Variants in HAUS4 observed in about 807,000 individuals in gnomAD.
The protein encoded by HAUS4 is HAUS augmin like complex subunit 4.
In HAUS4, 34 loss-of-function variants were observed where a neutral mutation model predicts 50.6. That is an observed-to-expected ratio of 0.67 (90% CI 0.51 to 0.90). The LOEUF is 0.90. HAUS4 is among the 40% of genes least tolerant of loss of function. HAUS4 has a pLI of 0.00. For synonymous variants in HAUS4, 149 were observed against 161.4 expected (o/e 0.92, Z 0.58); for missense variants, 370 against 428.7 (o/e 0.86, Z 1.21).
intron 5 of HAUS4, 27 bp downstream of exon 5, chr14:22,951,528 A>AT (rs998902846): frequency 1.2e-6 from 2 of 1,611,028 alleles, no homozygotes; most frequent in Admixed American, 1.7e-5. Context: ...CATTTCATTT[A>AT]TTTGGTTCCA....
intron 4 of HAUS4, 108 bp downstream of exon 4, chr14:22,952,220 G>A (rs1439928701): frequency 7.2e-6 from 6 of 833,682 alleles, no homozygotes; most frequent in Non-Finnish European, 1.2e-5. Flanking sequence ...GTCTTACCAT[G>A]TTGGCCAGGC....
chr14:22,951,096 C>T, intron 5 of HAUS4, among the ~76,000 whole-genome samples: 1 of 152,048 alleles, frequency 6.6e-6, no homozygotes, highest in East Asian at 1.9e-4. Flanking sequence ...GACCTCCCAC[C>T]CTCAAGTCAT....
chr14:22,950,128 CAA>C (rs200256150), intron 6 of HAUS4, among the ~76,000 whole-genome samples, 184 bp downstream of exon 6: 34 of 112,092 alleles, frequency 3.0e-4, no homozygotes, highest in Admixed American at 5.2e-4. Flanking sequence ...AACGCCATCT[CAA>C]AAAAAAAAAA....
intron 4 of HAUS4, 118 bp downstream of exon 4, chr14:22,952,210 G>T (rs2044767022): frequency 4.0e-6 from 3 of 757,400 alleles, no homozygotes; most frequent in Non-Finnish European, 6.6e-6. Context: ...TAGAGACGGG[G>T]TCTTACCATG....
intron 1 of HAUS4, among the ~76,000 whole-genome samples, chr14:22,956,577 G>C (rs542360473): frequency 1.3e-5 from 2 of 152,106 alleles, no homozygotes; most frequent in African/African-American, 4.8e-5. Flanking sequence ...CGGCAATCAG[G>C]CTCGATTCTC....
chr14:22,947,262 G>A (rs779539266), intron 8 of HAUS4, 23 bp from the exon 9 acceptor site: 1 of 1,534,876 alleles, frequency 6.5e-7, no homozygotes, highest in South Asian at 1.1e-5. Context: ...AGAAAGAAAT[G>A]TCAAGGCAGG....
intron 6 of HAUS4, among the ~76,000 whole-genome samples, chr14:22,949,006 A>C (rs913187448): frequency 6.6e-6 from 1 of 151,328 alleles, no homozygotes; most frequent in African/African-American, 2.4e-5. Flanking sequence ...AATACAAAAA[A>C]ATTAGCTGGG....
rs796968660 is a variant in HAUS4, at chr14:22,950,120, C to T, written c.562+194G>A. 2.2e-5 allele frequency among the ~76,000 whole-genome samples: 3 copies of T among 137,684 alleles called. 1 individual carries two copies. Among genetic ancestry groups the T allele is most frequent in the African/African-American group, 5.1e-5 (2 of 39,522 alleles). 90.3% of individuals were successfully genotyped at this position (137,684 alleles called of 152,430 possible). A position where few individuals can be genotyped will look rare whatever the true frequency, so the allele number is the denominator to read the frequency against. On this transcript the variant is annotated intron_variant, in intron 6 of 9. Coordinates refer to ENST00000541587, the MANE Select transcript of HAUS4 (RefSeq NM_001166269.2). ...TCTAGCCTGGGCAACAGGAGCAAAA[C>T]GCCATCTCAAAAAAAAAAAAAAACA...
chr14:22,946,882 C>T (rs1452808739), intron 9 of HAUS4, among the ~76,000 whole-genome samples, 174 bp from the exon 10 acceptor site: 1 of 149,600 alleles, frequency 6.7e-6, no homozygotes, highest in Admixed American at 6.8e-5. Flanking sequence ...TTCCTGGGTT[C>T]AAGCAATTCT....
chr14:22,954,291 A>T (rs533899220), intron 2 of HAUS4: 1 of 152,320 alleles, frequency 6.6e-6, no homozygotes, highest in South Asian at 2.1e-4. Flanking sequence ...TTATACCCAA[A>T]GTCTTTTTGG....
rs767885103 is a variant in HAUS4, at chr14:22,951,639, G to A, written c.381C>T (p.Leu127=). 3.1e-6 allele frequency: 5 copies of A among 1,613,950 alleles called. No homozygotes were observed. The highest frequency in any genetic ancestry group is 4.2e-6 in the Non-Finnish European group (5 of 1,179,986). Residue 127 remains leucine (L), a synonymous_variant, in exon 5 of 10, where the codon CTC becomes CTT. Transcript: ENST00000541587. ...QRLLVTELMR[L]LGPSQEREIP... is the part of the protein sequence containing the mutation. ...TCTCCCTCTCCTGGCTAGGACCTAA[G>A]AGCCGCATCAGTTCAGTTACAAGCA...
chr14:22,947,543 A>T, intron 8 of HAUS4, 58 bp downstream of exon 8: 1 of 1,588,970 alleles, frequency 6.3e-7, no homozygotes, highest in Non-Finnish European at 8.6e-7. Context: ...AGGGTAAGGG[A>T]TAGAGGGCTG....
Position 22,946,402 on chromosome 14 carries a change from C to T in HAUS4, c.*123G>A. 1.6e-6 allele frequency: 1 copy of T among 629,878 alleles called. No individual in the cohort carries two copies. Among genetic ancestry groups the T allele is most frequent in the Non-Finnish European group, 2.6e-6 (1 of 385,974 alleles). 39.0% of individuals were successfully genotyped at this position (629,878 alleles called of 1,614,324 possible). On this transcript the variant is annotated 3_prime_UTR_variant, in exon 10 of 10. Coordinates refer to ENST00000541587, the MANE Select transcript of HAUS4 (RefSeq NM_001166269.2). ...GAGTGCCTAAATGACTGCAGTGTTT[C>T]AAGCGTAAGCATTTCCACACTCCCT...
intron 6 of HAUS4, among the ~76,000 whole-genome samples, chr14:22,949,386 A>C (rs981777915): frequency 3.4e-5 from 5 of 147,984 alleles, no homozygotes; most frequent in Non-Finnish European, 7.5e-5. Flanking sequence ...AAAATTAGCC[A>C]GGCGTGGTGG....
chr14:22,950,140 A>AC (rs1174927886), intron 6 of HAUS4, among the ~76,000 whole-genome samples, 174 bp downstream of exon 6: 16 of 151,688 alleles, frequency 1.1e-4, no homozygotes, highest in African/African-American at 3.9e-4. Flanking sequence ...AAAAAAAAAA[A>AC]AAACAAAAAA....
At chr14:22,953,829 A>C (rs1594549091) in intron 2 of HAUS4, among the ~76,000 whole-genome samples, 4 of 137,144 alleles carry the variant, frequency 2.9e-5, no homozygotes, top group Non-Finnish European at 6.2e-5. Context: ...GCGGGGTTTC[A>C]CCTTGTTAGC....
chr14:22,955,003 G>A (rs2044832920), intron 2 of HAUS4, 97 bp downstream of exon 2: 4 of 894,274 alleles, frequency 4.5e-6, no homozygotes, highest in East Asian at 4.8e-5. Flanking sequence ...GGGATTACAG[G>A]TGTGAGCCAA....
rs769415869 is a variant in HAUS4 at position 22,947,730 on chromosome 14, A to G, written c.710T>C (p.Val237Ala). 2.5e-6 allele frequency: 4 copies of G among 1,613,964 alleles called. No homozygotes were observed. The highest frequency in any genetic ancestry group is 3.4e-6 in the Non-Finnish European group (4 of 1,180,024). The part of the protein sequence containing the change: ...LEKKSAAYSQ[V>A]LLRCLTLLQR... ...CAGCAAAGTGAGGCAGCGGAGAAGC[A>G]CCTGAGCCCAAGATGGAGGAAGAAG... is the stretch of plus-strand genomic sequence containing the variant. Residue 237 changes from valine (V) to alanine (A), a missense_variant and splice_region_variant, in exon 8 of 10, where the codon GTG becomes GCG. Coordinates refer to ENST00000541587, the MANE Select transcript of HAUS4 (RefSeq NM_001166269.2).
At chr14:22,951,102 G>A (rs1420006007) in intron 5 of HAUS4, among the ~76,000 whole-genome samples, 1 of 151,950 alleles carries the variant, frequency 6.6e-6, no homozygotes, top group Admixed American at 6.6e-5. Flanking sequence ...CCACCCTCAA[G>A]TCATCCTCCT....
Sources: allele counts gnomAD v4.1 joint callset (sites outside exome capture counted in the v4.1 genomes callset), GRCh38; gene constraint gnomAD v4.1.1; transcripts MANE v1.5; gene names NCBI Gene and HGNC (gene_info 2026-07-23, HGNC 2026-07-21).